Variants in SLIT3 observed in about 807,000 individuals in gnomAD.
SLIT3 encodes the protein slit homolog 3 protein.
In SLIT3, 68 loss-of-function variants were observed where a neutral mutation model predicts 184.0. The observed-to-expected ratio is 0.37, with a 90% CI of 0.30 to 0.45. The LOEUF (loss-of-function observed/expected upper bound fraction) is 0.45, where lower values mean the gene tolerates loss of function less well. SLIT3 is among the 20% of genes least tolerant of loss of function. SLIT3 has a pLI of 1.00. For missense variants in SLIT3, 1,707 were observed against 2,026.0 expected (o/e 0.84, Z 3.02); for synonymous variants, 831 against 828.6 (o/e 1.00, Z -0.05).
chr5:168,835,189 T>C (rs917743860), intron 6 of SLIT3, among the ~76,000 whole-genome samples: 3 of 152,142 alleles, frequency 2.0e-5, no homozygotes, highest in Non-Finnish European at 4.4e-5. Flanking sequence ...TAGATATTCA[T>C]TGGAAGTTGA....
intron 4 of SLIT3, among the ~76,000 whole-genome samples, chr5:169,007,500 A>T (rs1249464553): frequency 2.6e-5 from 4 of 152,244 alleles, no homozygotes; most frequent in Non-Finnish European, 5.9e-5. Context: ...AAATAAGATT[A>T]GGTTGAAAGT....
chr5:168,686,839 A>G (rs905591535), intron 30 of SLIT3, 140 bp downstream of exon 30: 1 of 887,412 alleles, frequency 1.1e-6, no homozygotes, highest in Non-Finnish European at 1.8e-6. Flanking sequence ...CAAAGGTATC[A>G]GGGGAATAAA....
intron 3 of SLIT3, among the ~76,000 whole-genome samples, chr5:169,234,851 A>T (rs1765138712): frequency 6.6e-6 from 1 of 152,126 alleles, no homozygotes; most frequent in Non-Finnish European, 1.5e-5. Flanking sequence ...CTCACATTTT[A>T]TTTTTTTAGG....
Position 168,687,008 on chromosome 5 carries a change from G to C in SLIT3, c.3285C>G (p.Gly1095=). 1.2e-6 allele frequency: 2 copies of C among 1,614,240 alleles called. No homozygotes were observed. Among genetic ancestry groups the C allele is most frequent in the East Asian group, 4.5e-5 (2 of 44,890 alleles). ...HGAQCVDTIN[G]YTCTCPQGFS... is the part of the protein sequence containing the mutation. Reference sequence around the variant, plus strand: ...AGCCCTGGGGGCAGGTGCATGTGTAGCCATTGATTGTGTCCACGCACTGGG... The same window carrying C: ...AGCCCTGGGGGCAGGTGCATGTGTACCCATTGATTGTGTCCACGCACTGGG... The change falls in exon 30 of 36, where the codon GGC becomes GGG. Residue 1095 remains glycine (G), a synonymous_variant. Transcript: ENST00000519560.
At chr5:169,207,347 T>G (rs1208786778) in intron 3 of SLIT3, among the ~76,000 whole-genome samples, 1 of 149,114 alleles carries the variant, frequency 6.7e-6, no homozygotes, top group Non-Finnish European at 1.5e-5. Flanking sequence ...CCACTATCTT[T>G]CTCTGTTTTA....
intron 28 of SLIT3, among the ~76,000 whole-genome samples, chr5:168,695,352 G>C (rs1418072701): frequency 6.6e-6 from 1 of 152,202 alleles, no homozygotes; most frequent in Non-Finnish European, 1.5e-5. Context: ...GGGAAGCTCT[G>C]AGATCAGATA....
At chr5:168,882,846 G>A (rs1271764658) in intron 5 of SLIT3, among the ~76,000 whole-genome samples, 3 of 152,154 alleles carry the variant, frequency 2.0e-5, no homozygotes, top group Non-Finnish European at 4.4e-5. Context: ...CACCATCATC[G>A]TCAAGGTTCC....
chr5:168,768,768 G>A (rs1390890861), intron 14 of SLIT3, among the ~76,000 whole-genome samples: 1 of 152,082 alleles, frequency 6.6e-6, no homozygotes, highest in African/African-American at 2.4e-5. Flanking sequence ...TGTTCTTTAG[G>A]AAAAAGCCCC....
intron 1 of SLIT3, among the ~76,000 whole-genome samples, chr5:169,275,516 C>T (rs1300578602): frequency 6.6e-6 from 1 of 152,102 alleles, no homozygotes; most frequent in Non-Finnish European, 1.5e-5. Context: ...TTTTTTACGC[C>T]GCTGATAAAG....
chr5:169,141,302 C>T (rs1761728150), intron 4 of SLIT3, among the ~76,000 whole-genome samples: 1 of 152,162 alleles, frequency 6.6e-6, no homozygotes, highest in African/African-American at 2.4e-5. Context: ...AAATCCACTG[C>T]AACAAAGCTG....
At chr5:168,856,816 C>CAT (rs1561970784) in intron 5 of SLIT3, among the ~76,000 whole-genome samples, 1 of 147,080 alleles carries the variant, frequency 6.8e-6, no homozygotes, top group African/African-American at 2.6e-5. Flanking sequence ...TGCGCGCGCG[C>CAT]GCACGCCTTT....
intron 1 of SLIT3, among the ~76,000 whole-genome samples, chr5:169,295,256 A>G (rs1265903536): frequency 6.6e-6 from 1 of 152,274 alleles, no homozygotes; most frequent in Non-Finnish European, 1.5e-5. Context: ...ATTTTAGGTA[A>G]CACATGACTG....
intron 4 of SLIT3, among the ~76,000 whole-genome samples, chr5:169,177,752 T>C (rs1389082589): frequency 6.6e-6 from 1 of 152,216 alleles, no homozygotes; most frequent in East Asian, 1.9e-4. Context: ...GGGTGGAGAC[T>C]GGACTCCTAA....
intron 1 of SLIT3, among the ~76,000 whole-genome samples, chr5:169,266,116 C>T (rs1766389211): frequency 6.6e-6 from 1 of 152,194 alleles, no homozygotes; most frequent in Non-Finnish European, 1.5e-5. Context: ...TTATCATGCC[C>T]AGAAATCTCA....
At chr5:168,832,780 G>A (rs965265289) in intron 6 of SLIT3, among the ~76,000 whole-genome samples, 34 of 152,158 alleles carry the variant, frequency 2.2e-4, no homozygotes, top group Admixed American at 9.8e-4. Flanking sequence ...ATTTTCATAT[G>A]AGGTCTCCTG....
At chr5:169,125,081 C>T (rs1042970846) in intron 4 of SLIT3, among the ~76,000 whole-genome samples, 8 of 151,990 alleles carry the variant, frequency 5.3e-5, no homozygotes, top group Admixed American at 5.2e-4. Context: ...TGGAGTTTCA[C>T]TCTGTCGCCA....
At chr5:169,165,290 T>C (rs896030782) in intron 4 of SLIT3, among the ~76,000 whole-genome samples, 3 of 152,236 alleles carry the variant, frequency 2.0e-5, no homozygotes, top group African/African-American at 7.2e-5. Flanking sequence ...TCTTAACTTG[T>C]GCCTAGGCCA....
In SLIT3 at chr5:168,663,942, T is replaced by C. The variant is rs1377632204; in HGVS notation, c.*2512A>G. The C allele has an allele frequency of 6.6e-6, 1 of 152,164 alleles. No homozygotes were observed. Among genetic ancestry groups the C allele is most frequent in the Non-Finnish European group, 1.5e-5 (1 of 68,046 alleles). 9.4% of individuals were successfully genotyped at this position (152,164 alleles called of 1,614,324 possible). ...GTAGGATCCTCAAAGGCAGGATGTG[T>C]TTCTTTCCCATGAGAAGCAGGATGG... On this transcript the variant is annotated 3_prime_UTR_variant, in exon 36 of 36. Coordinates refer to ENST00000519560, the MANE Select transcript of SLIT3 (RefSeq NM_003062.4).
intron 26 of SLIT3, among the ~76,000 whole-genome samples, chr5:168,705,104 C>T (rs1412272510): frequency 6.6e-6 from 1 of 152,140 alleles, no homozygotes; most frequent in Non-Finnish European, 1.5e-5. Flanking sequence ...TGGCTACACT[C>T]TACTTGTCTC....
Sources: gnomAD v4.1 joint callset for allele counts (sites outside exome capture counted in the v4.1 genomes callset) on GRCh38, gnomAD v4.1.1 for gene constraint, MANE v1.5 for transcripts, NCBI Gene and HGNC (gene_info 2026-07-23, HGNC 2026-07-21) for gene names.